The following CDH13 variants were observed in gnomAD, a reference collection of about 807,000 sequenced individuals.
CDH13 encodes cadherin-13.
A neutral mutation model predicts 63.8 loss-of-function variants in CDH13; 24 were observed. The ratio of observed to expected loss-of-function variants is 0.38; its 90% CI spans 0.27 to 0.53. CDH13 has a LOEUF of 0.53. CDH13 is among the 20% of genes least tolerant of loss of function. CDH13 has a pLI of 0.85. For missense variants in CDH13, 1,049 were observed against 903.1 expected, an observed-to-expected ratio of 1.16 and a Z score of -2.07; for synonymous variants, 503 against 355.3, an observed-to-expected ratio of 1.42 and a Z score of -4.67.
At chr16:83,612,646 A>G (rs913501186) in intron 8 of CDH13, among the ~76,000 whole-genome samples, 2 of 151,802 alleles carry the variant, frequency 1.3e-5, no homozygotes, top group Non-Finnish European at 2.9e-5. Flanking sequence ...ATAATTTCAT[A>G]TTCAGCTCTA....
chr16:82,691,611 C>T (rs987160728), intron 1 of CDH13, among the ~76,000 whole-genome samples: 1 of 152,090 alleles, frequency 6.6e-6, no homozygotes, highest in African/African-American at 2.4e-5. Context: ...CTTATAGATC[C>T]ACTCTGGGGA....
chr16:82,848,235 G>T (rs930874487), intron 1 of CDH13, among the ~76,000 whole-genome samples: 1 of 152,208 alleles, frequency 6.6e-6, no homozygotes, highest in Admixed American at 6.5e-5. Flanking sequence ...TTATCTTGAA[G>T]CTATAGATAA....
chr16:83,385,715 C>G (rs1006504971), intron 6 of CDH13, among the ~76,000 whole-genome samples: 5 of 152,050 alleles, frequency 3.3e-5, no homozygotes, highest in Non-Finnish European at 7.4e-5. Flanking sequence ...GTCATGTGGC[C>G]CCAGCATAAC....
At chr16:82,762,816 A>C (rs949200554) in intron 1 of CDH13, among the ~76,000 whole-genome samples, 3 of 152,182 alleles carry the variant, frequency 2.0e-5, no homozygotes, top group Non-Finnish European at 4.4e-5. Flanking sequence ...TTTCTCATCA[A>C]CAGATTCTCA....
chr16:83,173,965 T>A (rs2038023275), intron 4 of CDH13, among the ~76,000 whole-genome samples: 1 of 152,042 alleles, frequency 6.6e-6, no homozygotes, highest in Non-Finnish European at 1.5e-5. Flanking sequence ...AAAGCCAGTA[T>A]CACACCAGCA....
intron 10 of CDH13, among the ~76,000 whole-genome samples, chr16:83,734,639 G>A (rs1281123000): frequency 2.6e-5 from 4 of 151,526 alleles, no homozygotes; most frequent in East Asian, 1.9e-4. Flanking sequence ...GCTAAATGAC[G>A]AGTTAATGGG....
chr16:82,996,856 C>T (rs72792155), intron 2 of CDH13, among the ~76,000 whole-genome samples: 19,146 of 139,092 alleles, frequency 0.14, 1,584 homozygotes, highest in African/African-American at 0.26. Flanking sequence ...GTAATGATTA[C>T]GGTGGTGGTG....
chr16:82,731,145 G>A (rs935718197), intron 1 of CDH13, among the ~76,000 whole-genome samples: 2 of 152,138 alleles, frequency 1.3e-5, no homozygotes, highest in Non-Finnish European at 2.9e-5. Flanking sequence ...ACACCTCAGG[G>A]CTAGATGTCT....
At chr16:83,319,117 GC>G (rs2090167660) in intron 5 of CDH13, among the ~76,000 whole-genome samples, 1 of 152,006 alleles carries the variant, frequency 6.6e-6, no homozygotes, top group Non-Finnish European at 1.5e-5. Context: ...AGTTCTTTGG[GC>G]AAACATCTTA....
At chr16:83,176,464 T>A (rs1426246058) in intron 4 of CDH13, among the ~76,000 whole-genome samples, 2 of 141,284 alleles carry the variant, frequency 1.4e-5, no homozygotes, top group African/African-American at 5.5e-5. Context: ...GAGCCCAGAT[T>A]GCATCACTGC....
chr16:83,489,844 A>G (rs886779618), intron 7 of CDH13, among the ~76,000 whole-genome samples: 3 of 152,234 alleles, frequency 2.0e-5, no homozygotes, highest in African/African-American at 7.2e-5. Flanking sequence ...TTAAGAAAGT[A>G]TCCCATTTGG....
rs56791322 is a variant in CDH13, at chr16:82,697,739, T to TTGTG, written c.45+70648_45+70651dup. On this transcript the variant is annotated intron_variant, in intron 1 of 13. Transcript: ENST00000567109. ...CACCGCACCTGGCTGGGCCGAGGCA[T>TTGTG]TGTGTGTGTGTGTGTGTGTGTGTGT... Among the ~76,000 whole-genome samples, 222 of 146,668 alleles carry TTGTG rather than the reference T, an allele frequency of 1.5e-3. 1 individual carries two copies. The highest frequency in any genetic ancestry group is 5.3e-3 in the African/African-American group (202 of 38,470).
At chr16:82,692,882 C>T (rs141939834) in intron 1 of CDH13, among the ~76,000 whole-genome samples, 3 of 152,304 alleles carry the variant, frequency 2.0e-5, no homozygotes, top group African/African-American at 7.2e-5. Flanking sequence ...TCTTCACGGC[C>T]TCAGGTAATC....
At chr16:83,544,472 C>T (rs1355805080) in intron 7 of CDH13, among the ~76,000 whole-genome samples, 4 of 152,096 alleles carry the variant, frequency 2.6e-5, no homozygotes, top group Non-Finnish European at 5.9e-5. Flanking sequence ...CATAGCTTAG[C>T]CTACCCTACC....
intron 1 of CDH13, among the ~76,000 whole-genome samples, chr16:82,686,181 G>A (rs965868457): frequency 1.3e-5 from 2 of 152,230 alleles, no homozygotes; most frequent in African/African-American, 4.8e-5. Context: ...TTTTGTGTTT[G>A]TGGGGTCTGG....
chr16:83,264,478 T>C (rs1474353225), intron 5 of CDH13, among the ~76,000 whole-genome samples: 1 of 152,040 alleles, frequency 6.6e-6, no homozygotes, highest in African/African-American at 2.4e-5. Context: ...ATATATAGTA[T>C]TTGTGTGTGT....
intron 4 of CDH13, among the ~76,000 whole-genome samples, chr16:83,142,248 C>T (rs7197300): frequency 0.22 from 32,550 of 150,760 alleles, 3,731 homozygotes; most frequent in African/African-American, 0.29. Context: ...ACAGCCTCCG[C>T]CTTCTGGGTT....
chr16:82,837,026 A>G (rs866538963), intron 1 of CDH13, among the ~76,000 whole-genome samples: 1 of 152,264 alleles, frequency 6.6e-6, no homozygotes, highest in Admixed American at 6.5e-5. Context: ...TTGCTGGAGC[A>G]TCTCATGATA....
chr16:83,307,068 CA>C (rs2151881985), intron 5 of CDH13, among the ~76,000 whole-genome samples: 1 of 152,276 alleles, frequency 6.6e-6, no homozygotes, highest in Admixed American at 6.5e-5. Context: ...ATATAAGCTA[CA>C]GTTGGGTGGG....
Sources: gnomAD v4.1 joint callset for allele counts (sites outside exome capture counted in the v4.1 genomes callset) on GRCh38, gnomAD v4.1.1 for gene constraint, MANE v1.5 for transcripts, NCBI Gene and HGNC (gene_info 2026-07-23, HGNC 2026-07-21) for gene names.